FBXL20: variants seen among roughly 807,000 people sequenced by gnomAD.
FBXL20 encodes the protein F-box and leucine rich repeat protein 20.
FBXL20 carries 11 observed loss-of-function variants against 64.0 expected under a neutral mutation model. The ratio of observed to expected loss-of-function variants is 0.17; its 90% CI spans 0.11 to 0.28. FBXL20 has a LOEUF of 0.28. Among genes scored for constraint, FBXL20 ranks in the 10% least tolerant of loss-of-function variants. The pLI is 1.00. For missense variants in FBXL20, 303 were observed against 526.2 expected, an observed-to-expected ratio of 0.58 and a Z score of 4.15; for synonymous variants, 184 against 189.0, an observed-to-expected ratio of 0.97 and a Z score of 0.22.
chr17:39,327,371 C>T (rs2047418804), intron 2 of FBXL20, among the ~76,000 whole-genome samples: 1 of 152,024 alleles, frequency 6.6e-6, no homozygotes, highest in African/African-American at 2.4e-5. Context: ...ACTTTATGTG[C>T]TTTCTAGGAT....
chr17:39,320,688 A>T (rs1020629819), intron 2 of FBXL20, among the ~76,000 whole-genome samples: 6 of 148,648 alleles, frequency 4.0e-5, no homozygotes, highest in Non-Finnish European at 7.4e-5. Flanking sequence ...TCCGCCTCCC[A>T]GGCTCAAGCG....
intron 12 of FBXL20, 71 bp downstream of exon 12, chr17:39,268,756 C>T (rs1276522511): frequency 6.0e-6 from 8 of 1,335,764 alleles, no homozygotes; most frequent in Non-Finnish European, 7.5e-6. Context: ...TAGGGAATTG[C>T]ACATTCTGAT....
Position 39,265,806 on chromosome 17 carries a change from G to A in FBXL20, c.934-353C>T, listed in dbSNP as rs546565662. ...CAAAGCTCTACAGGCCACCATGTGC[G>A]ATCACAGCTCATTGCAGCCTCAACC... On this transcript the variant is annotated intron_variant, in intron 12 of 14. Coordinates refer to ENST00000264658, the MANE Select transcript of FBXL20 (RefSeq NM_032875.3). Among the ~76,000 whole-genome samples, 10 of 151,104 alleles carry A rather than the reference G, an allele frequency of 6.6e-5. No homozygotes were observed. In the South Asian group the frequency reaches 1.9e-3, roughly 28 times the overall value.
intron 9 of FBXL20, among the ~76,000 whole-genome samples, chr17:39,280,164 A>T (rs2046935696): frequency 6.7e-6 from 1 of 148,788 alleles, no homozygotes; most frequent in Non-Finnish European, 1.5e-5. Context: ...TGAACCTGGG[A>T]GGCGGAGGTT....
chr17:39,339,301 T>A (rs1212420070), intron 2 of FBXL20, among the ~76,000 whole-genome samples: 1 of 151,664 alleles, frequency 6.6e-6, no homozygotes, highest in East Asian at 1.9e-4. Flanking sequence ...ATACCCCATC[T>A]CTATGAAAAT....
At chr17:39,330,884 T>A (rs1233759251) in intron 2 of FBXL20, among the ~76,000 whole-genome samples, 2 of 152,176 alleles carry the variant, frequency 1.3e-5, no homozygotes, top group Non-Finnish European at 2.9e-5. Context: ...TGTACAAAGT[T>A]TGTAAATTCT....
intron 6 of FBXL20, among the ~76,000 whole-genome samples, chr17:39,291,591 G>A (rs1363551651): frequency 4.6e-5 from 7 of 151,556 alleles, no homozygotes; most frequent in African/African-American, 7.3e-5. Flanking sequence ...GCATCACCAC[G>A]CCAGGCTAAT....
At chr17:39,303,703 T>C (rs1438387218) in intron 2 of FBXL20, 64 bp from the exon 3 acceptor site, 41 of 1,429,718 alleles carry the variant, frequency 2.9e-5, no homozygotes, top group Admixed American at 4.0e-5. Context: ...TTTATTTATT[T>C]TGAGACAGGG....
chr17:39,298,696 A>G (rs971766743), intron 5 of FBXL20, among the ~76,000 whole-genome samples: 6 of 152,204 alleles, frequency 3.9e-5, no homozygotes, highest in Non-Finnish European at 7.3e-5. Flanking sequence ...CCTGGGTGAT[A>G]GTGTGAGACC....
In FBXL20 at chr17:39,265,416, C is replaced by T; in HGVS notation, c.971G>A (p.Cys324Tyr). The T allele has an allele frequency of 6.2e-7, 1 of 1,611,432 alleles. No homozygotes were observed. Among genetic ancestry groups the T allele is most frequent in the Middle Eastern group, 1.7e-4 (1 of 6,058 alleles). ...ACTCACCAATACTTGAAGTCGAGGA[C>T]AGTGTATAGAAAGTTGGATTAATGT... Reference protein sequence around the residue: ...DSTLIQLSIHCPRLQVLSLSH... With the variant: ...DSTLIQLSIHYPRLQVLSLSH... Residue 324 changes from cysteine to tyrosine, a missense_variant, in exon 13 of 15, where the codon TGT becomes TAT. By Grantham distance (194) the Cys-to-Tyr change is radical. Transcript: ENST00000264658.
intron 2 of FBXL20, among the ~76,000 whole-genome samples, chr17:39,312,997 C>A (rs1171527772): frequency 6.8e-6 from 1 of 147,680 alleles, no homozygotes; most frequent in Admixed American, 6.9e-5. Flanking sequence ...CGGCTCACTG[C>A]AACCTCTGTC....
rs138580147 is a variant in FBXL20, at chr17:39,325,427, C to T, written c.104+17753G>A. Among the ~76,000 whole-genome samples, 21 of 152,238 alleles carry T rather than the reference C, an allele frequency of 1.4e-4. No individual in the cohort carries two copies. In the East Asian group the frequency reaches 3.9e-3, roughly 28 times the overall value. ...CTGAGTAAGCTTCCACTGAACTAAC[C>T]TTCCAGGTACAATTATAAATTGGGA... On this transcript the variant is annotated intron_variant, in intron 2 of 14. Coordinates refer to ENST00000264658, the MANE Select transcript of FBXL20 (RefSeq NM_032875.3).
chr17:39,351,669 T>G (rs1041264544), intron 1 of FBXL20, among the ~76,000 whole-genome samples: 1 of 152,180 alleles, frequency 6.6e-6, no homozygotes, highest in Admixed American at 6.6e-5. Flanking sequence ...ATTCTCTGGT[T>G]TTATATTAAC....
At chr17:39,335,633 C>T (rs1445363239) in intron 2 of FBXL20, among the ~76,000 whole-genome samples, 1 of 149,652 alleles carries the variant, frequency 6.7e-6, no homozygotes, top group Non-Finnish European at 1.5e-5. Flanking sequence ...CAACTCACTT[C>T]ACAGTAGCTC....
chr17:39,274,524 CTG>C lies in FBXL20; in HGVS notation c.827+444_827+445del, dbSNP rs541485926. On this transcript the variant is annotated intron_variant, in intron 10 of 14. Transcript: ENST00000264658. ...ACTGAGGAGCCAGAGAGAAATAAGA[CTG>C]TTTTAAAAACCCATCAGTACAAAAG... Among the ~76,000 whole-genome samples, 16 of 152,276 alleles carry C rather than the reference CTG, an allele frequency of 1.1e-4. No individual in the cohort carries two copies. In the South Asian group the frequency reaches 3.1e-3, roughly 30 times the overall value.
rs1391764874 is a variant in FBXL20, at chr17:39,261,431, C to G, written c.*29G>C. On this transcript the variant is annotated 3_prime_UTR_variant, in exon 15 of 15. Transcript: ENST00000264658. ...AGCTCTAGAAGTGTCATTAAATACT[C>G]AGTTCGCCAAGGTTGACCACCTCCA... 1.3e-6 allele frequency: 2 copies of G among 1,550,270 alleles called. No homozygotes were observed. The highest frequency in any genetic ancestry group is 3.3e-5 in the Admixed American group (2 of 59,876).
intron 7 of FBXL20, among the ~76,000 whole-genome samples, chr17:39,283,267 T>C (rs749240764): frequency 1.1e-4 from 16 of 152,200 alleles, no homozygotes; most frequent in Non-Finnish European, 2.1e-4. Flanking sequence ...TTATCTTAAA[T>C]GCTTGGTACC....
At chr17:39,324,019 C>G (rs547028148) in intron 2 of FBXL20, among the ~76,000 whole-genome samples, 16 of 139,134 alleles carry the variant, frequency 1.1e-4, no homozygotes, top group South Asian at 7.2e-4. Context: ...CCCCCTCCCC[C>G]CCCCACCCCC....
At chr17:39,366,569 T>C (rs961852759) in intron 1 of FBXL20, among the ~76,000 whole-genome samples, 3 of 152,206 alleles carry the variant, frequency 2.0e-5, no homozygotes, top group Admixed American at 6.5e-5. Context: ...AAACAGCTCA[T>C]GGGAACTCAG....
Sources: gnomAD v4.1 joint callset for allele counts (sites outside exome capture counted in the v4.1 genomes callset) on GRCh38, gnomAD v4.1.1 for gene constraint, MANE v1.5 for transcripts, NCBI Gene and HGNC (gene_info 2026-07-23, HGNC 2026-07-21) for gene names.